Variants in NRXN2 observed in about 807,000 individuals in gnomAD.
The protein encoded by NRXN2 is neurexin-2-beta.
In NRXN2, 29 loss-of-function variants were observed where a neutral mutation model predicts 128.8. The ratio of observed to expected loss-of-function variants is 0.23; its 90% CI spans 0.17 to 0.31. The LOEUF is 0.31. Ranked by LOEUF, NRXN2 falls within the 10% of genes least tolerant of loss-of-function variation. The probability of loss-of-function intolerance (pLI) is 1.00; values close to 1 mark genes in which losing one functional copy is unlikely to be tolerated. For missense variants in NRXN2, 1,881 were observed against 2,452.6 expected, an observed-to-expected ratio of 0.77 and a Z score of 4.92; for synonymous variants, 1,098 against 1,075.2, an observed-to-expected ratio of 1.02 and a Z score of -0.41.
intron 1 of NRXN2, among the ~76,000 whole-genome samples, chr11:64,716,097 C>G (rs960514586): frequency 2.0e-5 from 3 of 152,178 alleles, no homozygotes; most frequent in African/African-American, 7.2e-5. Flanking sequence ...TCCTCCTTCC[C>G]TGCTAGGGTC....
Position 64,635,247 on chromosome 11 carries a change from AG to A in NRXN2, c.3585+23del, listed in dbSNP as rs1565240988. 1 of 1,611,062 alleles carries A rather than the reference AG, an allele frequency of 6.2e-7. No homozygotes were observed. The highest frequency in any genetic ancestry group is 8.5e-7 in the Non-Finnish European group (1 of 1,179,692). ...TTGGGAGCAGGAAGCTTGAGGTTGA[AG>A]GGTTGGGGCCCAGGGTCCTTACGAT... is the stretch of plus-strand genomic sequence containing the variant. On this transcript the variant is annotated intron_variant, in intron 18 of 22. Coordinates refer to ENST00000265459, the MANE Select transcript of NRXN2 (RefSeq NM_015080.4). The surrounding 1 kb of genome is among the most constrained non-coding windows in gnomAD (Gnocchi z 4.8).
At chr11:64,675,610 G>A (rs2051202371) in intron 7 of NRXN2, 1 of 152,416 alleles carries the variant, frequency 6.6e-6, no homozygotes, top group Non-Finnish European at 1.5e-5. Context: ...AGCCAGGACT[G>A]GGCAGGCACG....
intron 17 of NRXN2, among the ~76,000 whole-genome samples, chr11:64,636,519 T>C (rs1213597142): frequency 6.6e-6 from 1 of 152,116 alleles, no homozygotes; most frequent in Non-Finnish European, 1.5e-5. Flanking sequence ...CAATCTTGCA[T>C]TCTTTAGAAC....
rs1404986332 is a variant in NRXN2 at position 64,667,114 on chromosome 11, G to A, written c.1798+136C>T. On this transcript the variant is annotated intron_variant, in intron 9 of 22. Coordinates refer to ENST00000265459, the MANE Select transcript of NRXN2 (RefSeq NM_015080.4). This position sits in a 1 kb window ranked among gnomAD's most constrained non-coding sequence, Gnocchi z 5.6. ...GAAAGGACAATTGGGAAGACGTGAG[G>A]GGGGTGGAGGAGAAGCGGCAGGGAA... 1 of 879,144 alleles carries A rather than the reference G, an allele frequency of 1.1e-6. No individual in the cohort carries two copies. Among genetic ancestry groups the A allele is most frequent in the African/African-American group, 1.7e-5 (1 of 60,414 alleles). 54.5% of individuals were successfully genotyped at this position (879,144 alleles called of 1,614,324 possible). A position where few individuals can be genotyped will look rare whatever the true frequency, so the allele number is the denominator to read the frequency against.
At chr11:64,715,032 A>G (rs1051198141) in intron 1 of NRXN2, among the ~76,000 whole-genome samples, 2 of 152,146 alleles carry the variant, frequency 1.3e-5, no homozygotes, top group Non-Finnish European at 2.9e-5. Context: ...AGACAGGGAA[A>G]GACTGAAGGA....
At chr11:64,656,895 A>C (rs2048357254) in intron 11 of NRXN2, among the ~76,000 whole-genome samples, 1 of 152,196 alleles carries the variant, frequency 6.6e-6, no homozygotes, top group African/African-American at 2.4e-5. Flanking sequence ...GCCTGGAAAG[A>C]GGCAGCAGTG....
At chr11:64,645,578 TTC>T (rs2046525654) in intron 17 of NRXN2, among the ~76,000 whole-genome samples, 3 of 152,160 alleles carry the variant, frequency 2.0e-5, no homozygotes, top group Admixed American at 2.0e-4. Flanking sequence ...TCATTTCATA[TTC>T]TCTTTTTCAT....
In NRXN2 at chr11:64,663,549, T is replaced by C. The variant is rs890860369; in HGVS notation, c.1799-2410A>G. Among the ~76,000 whole-genome samples, 13 of 152,214 alleles carry C rather than the reference T, an allele frequency of 8.5e-5. No individual in the cohort carries two copies. The East Asian group carries it at 1.4e-3, about 16-fold the overall frequency. On this transcript the variant is annotated intron_variant, in intron 9 of 22. Transcript: ENST00000265459. The stretch of plus-strand genomic sequence containing the variant: ...AGGCCACCAAACATGGCCTGCCTGA[T>C]TACCCACACCTCTATTTATAGCCAG...
chr11:64,714,931 T>C lies in NRXN2; in HGVS notation c.-244-988A>G, dbSNP rs2057250187. 6.6e-6 allele frequency among the ~76,000 whole-genome samples: 1 copy of C among 152,086 alleles called. No homozygotes were observed. On this transcript the variant is annotated intron_variant, in intron 1 of 22. Coordinates refer to ENST00000265459, the MANE Select transcript of NRXN2 (RefSeq NM_015080.4). The surrounding 1 kb of genome is among the most constrained non-coding windows in gnomAD (Gnocchi z 4.5). ...ATTTATATCCAACAACCCTCCTGAA[T>C]ATTGCATTGATTTTATTTTGGGGAG... is the stretch of plus-strand genomic sequence containing the variant.
At position 64,622,147 on chromosome 11, in the gene NRXN2, C is replaced by T. The variant is rs537067968; in HGVS notation, c.4173+606G>A. On this transcript the variant is annotated intron_variant, in intron 21 of 22. Coordinates refer to ENST00000265459, the MANE Select transcript of NRXN2 (RefSeq NM_015080.4). This position sits in a 1 kb window ranked among gnomAD's most constrained non-coding sequence, Gnocchi z 4.3. The stretch of plus-strand genomic sequence containing the variant: ...CACTGAAGCTGCCTGAGTTGTGGTG[C>T]CTGCTCATAGTCACATGGAGAGGGC... Among the ~76,000 whole-genome samples, 16 of 152,332 alleles carry T rather than the reference C, an allele frequency of 1.1e-4. No individual in the cohort carries two copies. The East Asian group carries it at 2.9e-3, about 28-fold the overall frequency.
intron 5 of NRXN2, among the ~76,000 whole-genome samples, chr11:64,689,425 T>C (rs2053530536): frequency 6.6e-6 from 1 of 152,178 alleles, no homozygotes; most frequent in Non-Finnish European, 1.5e-5. Flanking sequence ...GTACTTTGCA[T>C]GGACCACACT....
At position 64,688,422 on chromosome 11, in the gene NRXN2, G is replaced by GGA. The variant is rs1246628983; in HGVS notation, c.850+1981_850+1982dup. 11 of 985,080 alleles carry GGA rather than the reference G, an allele frequency of 1.1e-5. No homozygotes were observed. The Admixed American group carries it at 2.5e-4, about 22-fold the overall frequency. The allele number at this position is 985,080 out of a possible 1,614,324, so 61.0% of individuals were successfully genotyped here. On this transcript the variant is annotated intron_variant, in intron 5 of 22. Coordinates refer to ENST00000265459, the MANE Select transcript of NRXN2 (RefSeq NM_015080.4). ...TGGAAAGAAAACCCGAAGATGGTGA[G>GGA]GAGAGAGAGAGAGAACCTGAGTAGG...
chr11:64,640,084 C>G (rs1173437706), intron 17 of NRXN2, among the ~76,000 whole-genome samples: 4 of 152,054 alleles, frequency 2.6e-5, no homozygotes, highest in Admixed American at 1.3e-4. Flanking sequence ...CCTCCCACCC[C>G]CTTCTATCGC....
intron 17 of NRXN2, among the ~76,000 whole-genome samples, chr11:64,647,689 C>T (rs2135441382): frequency 6.6e-6 from 1 of 152,330 alleles, no homozygotes; most frequent in East Asian, 1.9e-4. Flanking sequence ...ACCAGCTGTC[C>T]AGCAGCCTGG....
chr11:64,668,655 T>A, intron 7 of NRXN2, 51 bp from the exon 8 acceptor site: 1 of 1,605,476 alleles, frequency 6.2e-7, no homozygotes, highest in Non-Finnish European at 8.5e-7. Flanking sequence ...CAACATCAAA[T>A]CCCTAGGAAG....
In NRXN2 at chr11:64,713,594, C is replaced by T. The variant is rs2057162919; in HGVS notation, c.106G>A (p.Gly36Arg). The T allele has an allele frequency of 7.5e-7, 1 of 1,339,332 alleles. No individual in the cohort carries two copies. The highest frequency in any genetic ancestry group is 9.6e-7 in the Non-Finnish European group (1 of 1,044,410). 83.0% of individuals were successfully genotyped at this position (1,339,332 alleles called of 1,614,324 possible). A position where few individuals can be genotyped will look rare whatever the true frequency, so the allele number is the denominator to read the frequency against. Residue 36 changes from glycine (G) to arginine (R), a missense_variant, in exon 2 of 23, where the codon GGG becomes AGG. Transcript: ENST00000265459. ...ADGLEFGGGPGQWARYARWAG... is the reference protein window; with the variant it reads ...ADGLEFGGGPRQWARYARWAG... ...CAGCGCGCGTAGCGAGCCCACTGCC[C>T]GGGGCCGCCGCCGAACTCCAGGCCG...
chr11:64,658,113 A>G (rs765709778), intron 11 of NRXN2, among the ~76,000 whole-genome samples: 1 of 152,180 alleles, frequency 6.6e-6, no homozygotes, highest in Admixed American at 6.5e-5. Context: ...AAGAGACACA[A>G]TCTTCTTCCC....
intron 2 of NRXN2, among the ~76,000 whole-genome samples, chr11:64,707,082 A>G (rs377680989): frequency 6.6e-6 from 1 of 151,638 alleles, no homozygotes; most frequent in South Asian, 2.1e-4. Context: ...CATTTTATAC[A>G]TAAAGAAAAA....
At chr11:64,683,944 G>A (rs548314496) in intron 6 of NRXN2, among the ~76,000 whole-genome samples, 1 of 152,234 alleles carries the variant, frequency 6.6e-6, no homozygotes, top group South Asian at 2.1e-4. Flanking sequence ...CCTCTCCCTC[G>A]TCTTGGGTAT....
Sources: gnomAD v4.1 joint callset for allele counts (sites outside exome capture counted in the v4.1 genomes callset) on GRCh38, gnomAD v4.1.1 for gene constraint, Gnocchi (gnomAD v3.1) non-coding constraint, MANE v1.5 for transcripts, NCBI Gene and HGNC (gene_info 2026-07-23, HGNC 2026-07-21) for gene names.